The following ANK3 variants were observed in gnomAD, a reference collection of about 807,000 sequenced individuals.
ANK3 encodes the protein ankyrin-3.
ANK3 carries 57 observed loss-of-function variants against 370.9 expected under a neutral mutation model. That is an observed-to-expected ratio of 0.15 (90% CI 0.12 to 0.19). The LOEUF (loss-of-function observed/expected upper bound fraction) is 0.19. Among genes scored for constraint, ANK3 ranks in the 10% least tolerant of loss-of-function variants. ANK3 has a pLI of 1.00. For synonymous variants in ANK3, 1,929 were observed against 1,946.3 expected, an observed-to-expected ratio of 0.99 and a Z score of 0.23; for missense variants, 4,439 against 5,302.1, an observed-to-expected ratio of 0.84 and a Z score of 5.06.
intron 7 of ANK3, among the ~76,000 whole-genome samples, chr10:60,247,031 T>C (rs904809468): frequency 6.6e-6 from 1 of 152,190 alleles, no homozygotes; most frequent in African/African-American, 2.4e-5. Context: ...TATTTATTTA[T>C]TTGAGATGGA....
chr10:60,552,789 TC>T (rs1317932147), intron 2 of ANK3, among the ~76,000 whole-genome samples: 1 of 152,192 alleles, frequency 6.6e-6, no homozygotes, highest in Non-Finnish European at 1.5e-5. Context: ...CTCCCATAAT[TC>T]CCACATGTTG....
chr10:60,091,474 A>G (rs1258774531), intron 28 of ANK3, among the ~76,000 whole-genome samples: 3 of 151,598 alleles, frequency 2.0e-5, no homozygotes, highest in Non-Finnish European at 4.4e-5. Context: ...ATACATCACT[A>G]AACAAATATG....
intron 1 of ANK3, among the ~76,000 whole-genome samples, chr10:60,316,753 AT>A (rs200280511): frequency 3.3e-5 from 5 of 150,262 alleles, no homozygotes; most frequent in East Asian, 1.9e-4. Context: ...TTTTATTTTT[AT>A]TTTTTTTTAT....
At chr10:60,167,364 C>T (rs758959954) in intron 21 of ANK3, among the ~76,000 whole-genome samples, 153 of 152,170 alleles carry the variant, frequency 1.0e-3, no homozygotes, top group Non-Finnish European at 4.6e-4. Context: ...TAGGATAAAA[C>T]AAAATATTAA....
chr10:60,310,440 G>A (rs764900544), intron 1 of ANK3, among the ~76,000 whole-genome samples: 39 of 152,008 alleles, frequency 2.6e-4, no homozygotes, highest in Non-Finnish European at 2.9e-5. Flanking sequence ...ATACTCACAC[G>A]CATTTATTAT....
chr10:60,563,631 A>C (rs1451651251), intron 2 of ANK3, among the ~76,000 whole-genome samples: 1 of 152,212 alleles, frequency 6.6e-6, no homozygotes, highest in Non-Finnish European at 1.5e-5. Context: ...TTTTGCTACC[A>C]AATGTGCTCA....
At chr10:60,118,668 A>G (rs1565130204) in intron 25 of ANK3, among the ~76,000 whole-genome samples, 1 of 137,588 alleles carries the variant, frequency 7.3e-6, no homozygotes, top group Non-Finnish European at 1.6e-5. Context: ...TTTTTTTGGC[A>G]TGAGTGGAGT....
At chr10:60,642,942 T>C (rs954454189) in intron 1 of ANK3, among the ~76,000 whole-genome samples, 4 of 152,100 alleles carry the variant, frequency 2.6e-5, no homozygotes, top group Admixed American at 2.6e-4. Flanking sequence ...AATTAAAACA[T>C]ACACACACAT....
At position 60,579,655 on chromosome 10, in the gene ANK3, A is replaced by T. The variant is rs573530667; in HGVS notation, c.96+35531T>A. ...GTCATAATTATAAAGTTAAGGTAAA[A>T]TCCTTAATTTTAAAATAAGTGTATA... On this transcript the variant is annotated intron_variant, in intron 2 of 43. Coordinates refer to the ANK3 transcript ENST00000373827. 3.4e-3 allele frequency among the ~76,000 whole-genome samples: 512 copies of T among 152,230 alleles called. 3 individuals are homozygous for T. Among genetic ancestry groups the T allele is most frequent in the Non-Finnish European group, 6.0e-3 (410 of 68,022 alleles).
At chr10:60,037,709 G>T (rs2075343075) in intron 43 of ANK3, among the ~76,000 whole-genome samples, 1 of 152,156 alleles carries the variant, frequency 6.6e-6, no homozygotes, top group Non-Finnish European at 1.5e-5. Context: ...GGGCATTTAG[G>T]TTGATTCCAT....
intron 1 of ANK3, among the ~76,000 whole-genome samples, chr10:60,617,674 T>A (rs10994431): frequency 5.3e-5 from 8 of 152,158 alleles, no homozygotes; most frequent in East Asian, 1.9e-4. Flanking sequence ...ATTCTTGTGC[T>A]CACAGTATAA....
intron 8 of ANK3, among the ~76,000 whole-genome samples, chr10:60,219,812 T>A (rs2097010673): frequency 6.6e-6 from 1 of 152,160 alleles, no homozygotes; most frequent in African/African-American, 2.4e-5. Context: ...TAAGCCTAAT[T>A]ATTCTAATGT....
At chr10:60,144,463 CAAT>C (rs1257890577) in intron 23 of ANK3, among the ~76,000 whole-genome samples, 1 of 152,118 alleles carries the variant, frequency 6.6e-6, no homozygotes, top group African/African-American at 2.4e-5. Flanking sequence ...CTACATCTGT[CAAT>C]AAATTATCAG....
intron 1 of ANK3, among the ~76,000 whole-genome samples, chr10:60,303,697 A>G (rs191063384): frequency 1.4e-4 from 21 of 152,332 alleles, no homozygotes; most frequent in African/African-American, 4.8e-4. Flanking sequence ...ATGAAAAATT[A>G]AAAACAGAAC....
Position 60,177,003 on chromosome 10 carries a change from T to G in ANK3, c.2185-3817A>C, listed in dbSNP as rs1162046923. Among the ~76,000 whole-genome samples, 6 of 152,172 alleles carry G rather than the reference T, an allele frequency of 3.9e-5. No homozygotes were observed. The East Asian group carries it at 9.6e-4, about 24-fold the overall frequency. ...CTTCATTCACTGTTCCAGCTCATCC[T>G]CCCTACATTTCACCATCTCCACTGC... On this transcript the variant is annotated intron_variant, in intron 18 of 43. Transcript: ENST00000280772.
chr10:60,205,457 C>T (rs12358993), intron 11 of ANK3, among the ~76,000 whole-genome samples: 29,089 of 152,112 alleles, frequency 0.19, 2,950 homozygotes, highest in African/African-American at 0.25. Flanking sequence ...CATGACTAAA[C>T]GCCCCTTGGG....
intron 7 of ANK3, among the ~76,000 whole-genome samples, chr10:60,248,442 T>TA (rs951730684): frequency 1.3e-5 from 2 of 152,048 alleles, no homozygotes; most frequent in African/African-American, 2.4e-5. Context: ...CATAATTCCA[T>TA]AAAAAATAAG....
rs111451748 is a variant in ANK3 at position 60,337,448 on chromosome 10, T to C, written c.114+51977A>G. Among the ~76,000 whole-genome samples the C allele has an allele frequency of 3.8e-3, 586 of 152,250 alleles. 4 individuals are homozygous for C. Among genetic ancestry groups the C allele is most frequent in the African/African-American group, 0.013 (556 of 41,560 alleles). On this transcript the variant is annotated intron_variant, in intron 1 of 43. Transcript: ENST00000280772. Reference sequence around the variant, plus strand: ...CATCACATTTTCCCACCATTTCTCCTTTCTCTTTTCAATCCCAGACTCCTA... The same window carrying C: ...CATCACATTTTCCCACCATTTCTCCCTTCTCTTTTCAATCCCAGACTCCTA...
rs10676088 is a variant in ANK3 at position 60,689,754 on chromosome 10, CA to C, written c.57+43508del. On this transcript the variant is annotated intron_variant, in intron 1 of 43. Coordinates refer to the ANK3 transcript ENST00000373827. ...TGGGTGATGGAGCAAGACTTCATCT[CA>C]AAAAAAAAAAAAAAGAATGAACTAG... Among the ~76,000 whole-genome samples, 403 of 108,238 alleles carry C rather than the reference CA, an allele frequency of 3.7e-3. 1 individual carries two copies. Among genetic ancestry groups the C allele is most frequent in the African/African-American group, 0.011 (273 of 25,564 alleles). The allele number at this position is 108,238 out of a possible 152,430, so 71.0% of individuals were successfully genotyped here.
Sources: gnomAD v4.1 joint callset for allele counts (sites outside exome capture counted in the v4.1 genomes callset) on GRCh38, gnomAD v4.1.1 for gene constraint, MANE v1.5 for transcripts, NCBI Gene and HGNC (gene_info 2026-07-23, HGNC 2026-07-21) for gene names.